Variants in NT5C1B observed in about 807,000 individuals in gnomAD.
NT5C1B encodes the protein cytosolic 5'-nucleotidase 1B.
Under a neutral mutation model 57.8 loss-of-function variants are expected in NT5C1B, and 44 were observed. The ratio of observed to expected loss-of-function variants is 0.76; its 90% CI spans 0.60 to 0.98. The LOEUF (loss-of-function observed/expected upper bound fraction) is 0.98, where lower values mean the gene tolerates loss of function less well. Ranked by LOEUF, NT5C1B falls within the 50% of genes least tolerant of loss-of-function variation. The probability of loss-of-function intolerance (pLI) is 0.00; values close to 1 mark genes in which losing one functional copy is unlikely to be tolerated. For synonymous variants in NT5C1B, 284 were observed against 282.6 expected (o/e 1.00, Z -0.05); for missense variants, 742 against 719.5 (o/e 1.03, Z -0.36).
chr2:18,568,735 A>T (rs564558824), intron 8 of NT5C1B, among the ~76,000 whole-genome samples: 1 of 152,344 alleles, frequency 6.6e-6, no homozygotes, highest in South Asian at 2.1e-4. Flanking sequence ...GCTCACTGAG[A>T]TAACTACATA....
At chr2:18,586,512 C>A in intron 2 of NT5C1B, 121 bp from the exon 3 acceptor site, 1 of 1,417,296 alleles carries the variant, frequency 7.1e-7, no homozygotes. Context: ...AGATCCCTGG[C>A]CTCAATGACT....
chr2:18,582,636 G>A (rs1410112093), intron 6 of NT5C1B, among the ~76,000 whole-genome samples: 1 of 152,202 alleles, frequency 6.6e-6, no homozygotes, highest in Non-Finnish European at 1.5e-5. Context: ...TTAAGACTTT[G>A]AAATTCACAC....
At chr2:18,573,485 G>A (rs1330392600) in intron 8 of NT5C1B, among the ~76,000 whole-genome samples, 1 of 151,786 alleles carries the variant, frequency 6.6e-6, no homozygotes, top group Non-Finnish European at 1.5e-5. Context: ...CACACACTTA[G>A]AGACCATTAT....
In NT5C1B at chr2:18,584,367, C is replaced by T; in HGVS notation, c.724-112G>A. On this transcript the variant is annotated intron_variant, in intron 4 of 8. Coordinates refer to ENST00000304081, the Ensembl canonical transcript of NT5C1B. This position sits in a 1 kb window ranked among gnomAD's most constrained non-coding sequence, Gnocchi z 5.8. Reference sequence around the variant, plus strand: ...GACAGCGGGCCCCTGCTTGGAGAAGCGGGATGCTGGAGACAGCTGAGGCTG... The same window carrying T: ...GACAGCGGGCCCCTGCTTGGAGAAGTGGGATGCTGGAGACAGCTGAGGCTG... 2 of 1,541,008 alleles carry T rather than the reference C, an allele frequency of 1.3e-6. No homozygotes were observed. The highest frequency in any genetic ancestry group is 1.2e-5 in the South Asian group (1 of 80,050).
At chr2:18,564,453 G>A (rs73226354) in intron 8 of NT5C1B, among the ~76,000 whole-genome samples, 2 of 152,144 alleles carry the variant, frequency 1.3e-5, no homozygotes, top group African/African-American at 4.8e-5. Flanking sequence ...GGAATAGAGG[G>A]TCACTCTAAA....
intron 6 of NT5C1B, 138 bp from the exon 7 acceptor site, chr2:18,577,033 T>C (rs2148131334): frequency 7.0e-7 from 1 of 1,424,954 alleles, no homozygotes; most frequent in Non-Finnish European, 9.4e-7. Context: ...AAAGGAAAGT[T>C]ACCTTAGAAA....
intron 8 of NT5C1B, among the ~76,000 whole-genome samples, chr2:18,570,234 C>G (rs1247159499): frequency 6.6e-6 from 1 of 151,950 alleles, no homozygotes; most frequent in East Asian, 1.9e-4. Flanking sequence ...GCATTAAGTG[C>G]TTATATTAGA....
intron 6 of NT5C1B, among the ~76,000 whole-genome samples, chr2:18,579,701 A>G (rs955649521): frequency 1.3e-5 from 2 of 152,168 alleles, no homozygotes; most frequent in African/African-American, 2.4e-5. Context: ...AAAACCTAGG[A>G]AATACCATTC....
intron 8 of NT5C1B, among the ~76,000 whole-genome samples, chr2:18,566,195 T>G (rs1259731064): frequency 6.6e-6 from 1 of 152,188 alleles, no homozygotes; most frequent in Non-Finnish European, 1.5e-5. Context: ...GTATTCAATG[T>G]CAGCTCTCTT....
chr2:18,565,914 T>C (rs1012513447), intron 8 of NT5C1B, among the ~76,000 whole-genome samples: 3 of 152,182 alleles, frequency 2.0e-5, no homozygotes, highest in Non-Finnish European at 2.9e-5. Context: ...CATTTTTCTA[T>C]ATGTAATTGT....
chr2:18,573,173 A>AAG (rs1558373930), intron 8 of NT5C1B, among the ~76,000 whole-genome samples: 1 of 152,154 alleles, frequency 6.6e-6, no homozygotes, highest in African/African-American at 2.4e-5. Flanking sequence ...TGATAAATAA[A>AAG]AGAAGTCAGA....
At chr2:18,582,829 C>T (rs762436849) in intron 6 of NT5C1B, 39 bp downstream of exon 6, 91 of 1,598,152 alleles carry the variant, frequency 5.7e-5, no homozygotes, top group Non-Finnish European at 7.3e-5. Context: ...TCTTTCAGAG[C>T]GGAGAGCTGG....
intron 3 of NT5C1B, 74 bp from the exon 4 acceptor site, chr2:18,585,052 C>G: frequency 6.3e-7 from 1 of 1,580,702 alleles, no homozygotes; most frequent in Admixed American, 1.7e-5. Context: ...TCCCTTCTGC[C>G]TATTCCATTC....
At chr2:18,587,232 T>G in intron 2 of NT5C1B, 1 of 1,550,244 alleles carries the variant, frequency 6.5e-7, no homozygotes, top group South Asian at 1.2e-5. Context: ...CCTCCCTGAT[T>G]TGAACAAAGA....
At chr2:18,565,742 A>C (rs1283258693) in intron 8 of NT5C1B, among the ~76,000 whole-genome samples, 1 of 152,118 alleles carries the variant, frequency 6.6e-6, no homozygotes, top group Non-Finnish European at 1.5e-5. Flanking sequence ...AATATATATA[A>C]ACATCTTTGA....
chr2:18,565,166 A>G (rs1225979458), intron 8 of NT5C1B, among the ~76,000 whole-genome samples: 1 of 152,110 alleles, frequency 6.6e-6, no homozygotes, highest in East Asian at 1.9e-4. Context: ...ATTCCAGCAT[A>G]CTTCTTCCGT....
chr2:18,584,826 TG>T lies in NT5C1B; in HGVS notation c.410del (p.Pro137GlnfsTer90). On this transcript the variant is annotated frameshift_variant, in exon 4 of 9. Transcript: ENST00000304081. LOFTEE classifies it high-confidence loss of function. The surrounding 1 kb of genome is among the most constrained non-coding windows in gnomAD (Gnocchi z 5.8). ...TGCGCCGGGAGCCAGGATCGGGCTC[TG>T]GGGGCGTGGGAGGCCGCGAGTCCAG... The T allele has an allele frequency of 6.2e-7, 1 of 1,611,706 alleles. No individual in the cohort carries two copies. Among genetic ancestry groups the T allele is most frequent in the Admixed American group, 1.7e-5 (1 of 59,924 alleles).
At position 18,584,723 on chromosome 2, in the gene NT5C1B, G is replaced by T. The variant is rs750593615; in HGVS notation, c.514C>A (p.Pro172Thr). 29 of 1,612,944 alleles carry T rather than the reference G, an allele frequency of 1.8e-5. No individual in the cohort carries two copies. In the Admixed American group the frequency reaches 3.3e-4, roughly 19 times the overall value. The change falls in exon 4 of 9, where the codon CCG (proline) becomes ACG (threonine). Residue 172 changes from proline to threonine, a missense_variant. Pro to Thr is a conservative substitution (Grantham distance 38). Transcript: ENST00000304081. This position sits in a 1 kb window ranked among gnomAD's most constrained non-coding sequence, Gnocchi z 5.8. ...GGGGACGTGCGCGAATATTCCAGCG[G>T]CTGCGAGTCCCGGGTCTGGCGGATT...
chr2:18,568,087 G>GACACACATAC (rs113426219), intron 8 of NT5C1B, among the ~76,000 whole-genome samples: 6 of 142,598 alleles, frequency 4.2e-5, no homozygotes, highest in African/African-American at 1.6e-4. Context: ...AATGCTGTGG[G>GACACACATAC]ACACACACAC....
Sources: allele counts gnomAD v4.1 joint callset (sites outside exome capture counted in the v4.1 genomes callset), GRCh38; gene constraint gnomAD v4.1.1; non-coding constraint Gnocchi (gnomAD v3.1); transcripts MANE v1.5; gene names NCBI Gene and HGNC (gene_info 2026-07-23, HGNC 2026-07-21).